The following ROR1 variants were observed in gnomAD, a reference collection of about 807,000 sequenced individuals.
ROR1 encodes the protein ROR family WNT receptor 1, also known as inactive tyrosine-protein kinase transmembrane receptor ROR1.
A neutral mutation model predicts 78.8 loss-of-function variants in ROR1; 19 were observed. The ratio of observed to expected loss-of-function variants is 0.24; its 90% CI spans 0.17 to 0.35. The LOEUF is 0.35. ROR1 is among the 10% of genes least tolerant of loss of function. The pLI is 1.00. For missense variants in ROR1, 917 were observed against 1,177.8 expected, an observed-to-expected ratio of 0.78 and a Z score of 3.24; for synonymous variants, 386 against 433.6, an observed-to-expected ratio of 0.89 and a Z score of 1.36.
chr1:64,177,673 G>C lies in ROR1; in HGVS notation c.1632G>C (p.Gln544His). 1 of 1,614,190 alleles carries C rather than the reference G, an allele frequency of 6.2e-7. No individual in the cohort carries two copies. Among genetic ancestry groups the C allele is most frequent in the Non-Finnish European group, 8.5e-7 (1 of 1,180,030 alleles). ...NIVCLLGAVT[Q>H]EQPVCMLFEY... ...TCTGCCTTCTAGGTGCCGTCACTCA[G>C]GAACAACCTGTGTGCATGCTTTTTG... is the stretch of plus-strand genomic sequence containing the variant. Residue 544 changes from glutamine (Q) to histidine (H), a missense_variant, in exon 9 of 9, where the codon CAG becomes CAC. Gln to His is a conservative substitution (Grantham distance 24, BLOSUM62 0). This residue lies in a region of ROR1 where 835 missense variants were observed against 1,069.8 expected (regional missense o/e 0.78). Coordinates refer to ENST00000371079, the MANE Select transcript of ROR1 (RefSeq NM_005012.4).
intron 8 of ROR1, among the ~76,000 whole-genome samples, chr1:64,175,006 T>G (rs1650339386): frequency 7.0e-6 from 1 of 143,516 alleles, no homozygotes; most frequent in Non-Finnish European, 1.5e-5. Context: ...CGCCTATTGT[T>G]TTTTTTTTTT....
At chr1:64,011,695 A>T (rs1646475783) in intron 2 of ROR1, among the ~76,000 whole-genome samples, 1 of 152,198 alleles carries the variant, frequency 6.6e-6, no homozygotes, top group South Asian at 2.1e-4. Context: ...TCCAGAGAGT[A>T]TGGATGGCTT....
intron 1 of ROR1, among the ~76,000 whole-genome samples, chr1:63,985,919 A>G (rs1646247039): frequency 6.6e-6 from 1 of 152,140 alleles, no homozygotes; most frequent in Non-Finnish European, 1.5e-5. Context: ...ATTTTTGGAT[A>G]AGGGATACTC....
chr1:64,041,550 C>T (rs1236171242), intron 2 of ROR1, among the ~76,000 whole-genome samples: 1 of 152,154 alleles, frequency 6.6e-6, no homozygotes, highest in African/African-American at 2.4e-5. Context: ...ATAAAGGTGG[C>T]TGTCTTTCCC....
At chr1:64,087,895 C>A (rs1262825479) in intron 4 of ROR1, among the ~76,000 whole-genome samples, 2 of 152,132 alleles carry the variant, frequency 1.3e-5, no homozygotes, top group African/African-American at 4.8e-5. Flanking sequence ...CTGGGTTTCT[C>A]TATGTAGATA....
chr1:63,846,117 AATGTGTGTGTGT>A (rs1336540719), intron 1 of ROR1, among the ~76,000 whole-genome samples: 4 of 91,526 alleles, frequency 4.4e-5, no homozygotes, highest in African/African-American at 1.5e-4. Flanking sequence ...AGAGAGAGAG[AATGTGTGTGTGT>A]GTGTGTGTGT....
At chr1:64,032,615 G>A (rs1454282152) in intron 2 of ROR1, among the ~76,000 whole-genome samples, 2 of 152,268 alleles carry the variant, frequency 1.3e-5, no homozygotes, top group East Asian at 1.9e-4. Flanking sequence ...TCACTGCACA[G>A]CCTTATAACA....
chr1:63,869,423 G>A (rs535321275), intron 1 of ROR1, among the ~76,000 whole-genome samples: 3 of 152,132 alleles, frequency 2.0e-5, no homozygotes, highest in Non-Finnish European at 2.9e-5. Flanking sequence ...TGGCTTCTAT[G>A]CCAACCTGCC....
At chr1:63,950,796 T>G (rs1645928986) in intron 1 of ROR1, among the ~76,000 whole-genome samples, 1 of 152,180 alleles carries the variant, frequency 6.6e-6, no homozygotes, top group Admixed American at 6.5e-5. Context: ...TCAAACACTT[T>G]TAAGGGGAAT....
At chr1:63,933,857 A>G (rs749153677) in intron 1 of ROR1, among the ~76,000 whole-genome samples, 15 of 152,180 alleles carry the variant, frequency 9.9e-5, no homozygotes, top group Non-Finnish European at 2.2e-4. Flanking sequence ...TGGACTGAAC[A>G]TACAAGACCC....
intron 1 of ROR1, among the ~76,000 whole-genome samples, chr1:63,791,457 G>A (rs150431302): frequency 7.5e-4 from 114 of 152,248 alleles, no homozygotes; most frequent in African/African-American, 2.7e-3. Flanking sequence ...GGACAAATGA[G>A]TTCACAAAAT....
intron 1 of ROR1, among the ~76,000 whole-genome samples, chr1:63,797,476 G>A (rs919221404): frequency 1.6e-4 from 25 of 152,182 alleles, no homozygotes; most frequent in Admixed American, 1.0e-3. Flanking sequence ...ATCAGAGTCC[G>A]GAGGACTTTC....
intron 1 of ROR1, among the ~76,000 whole-genome samples, chr1:63,809,504 A>G (rs1644848057): frequency 6.6e-6 from 1 of 152,220 alleles, no homozygotes; most frequent in Admixed American, 6.5e-5. Flanking sequence ...TATCATATAT[A>G]CATTGTACTT....
intron 1 of ROR1, among the ~76,000 whole-genome samples, chr1:63,982,911 A>G (rs913745525): frequency 2.0e-5 from 3 of 152,110 alleles, no homozygotes; most frequent in Non-Finnish European, 4.4e-5. Context: ...TCTTGTTGGT[A>G]AAATGGGAGT....
At chr1:64,076,181 G>A (rs889247249) in intron 4 of ROR1, among the ~76,000 whole-genome samples, 1 of 152,156 alleles carries the variant, frequency 6.6e-6, no homozygotes, top group Non-Finnish European at 1.5e-5. Context: ...CTGTCTTTCT[G>A]TTGCAAATCA....
chr1:64,122,529 C>T (rs547942825), intron 4 of ROR1, among the ~76,000 whole-genome samples: 1 of 152,300 alleles, frequency 6.6e-6, no homozygotes, highest in East Asian at 1.9e-4. Flanking sequence ...CTCTGTAAGA[C>T]AGGGCGTTCT....
In ROR1 at chr1:64,178,749, G is replaced by T. The variant is rs748040274; in HGVS notation, c.2708G>T (p.Gly903Val). ...GGTGGAATGGGTATCACCGTTTTTG[G>T]CAACAAATCTCAAAAACCCTACAAA... ...HPGGMGITVF[G>V]NKSQKPYKID... The change falls in exon 9 of 9, where the codon GGC becomes GTC. Residue 903 changes from glycine to valine, a missense_variant. Physicochemically the swap from Gly to Val is moderately radical, Grantham distance 109. Around this residue, in one of 3 missense-constraint regions of ROR1, gnomAD observed 835 missense variants for 1,069.8 expected, o/e 0.78. Transcript: ENST00000371079. This position sits in a 1 kb window ranked among gnomAD's most constrained non-coding sequence, Gnocchi z 4.3. 1.2e-6 allele frequency: 2 copies of T among 1,613,886 alleles called. No individual in the cohort carries two copies. The highest frequency in any genetic ancestry group is 3.3e-5 in the Admixed American group (2 of 59,982).
chr1:64,164,345 T>A (rs567393475), intron 8 of ROR1, among the ~76,000 whole-genome samples: 2 of 152,324 alleles, frequency 1.3e-5, no homozygotes, highest in East Asian at 3.9e-4. Flanking sequence ...AGTAGTCTGA[T>A]ACACTTCAAA....
At chr1:64,149,113 A>C (rs1304799095) in intron 7 of ROR1, among the ~76,000 whole-genome samples, 1 of 152,180 alleles carries the variant, frequency 6.6e-6, no homozygotes, top group Non-Finnish European at 1.5e-5. Context: ...CTGCTTGTTG[A>C]ATACTGTGCT....
Sources: gnomAD v4.1 joint callset for allele counts (sites outside exome capture counted in the v4.1 genomes callset) on GRCh38, gnomAD v4.1.1 for gene constraint, gnomAD v4.1.1 regional missense constraint, Gnocchi (gnomAD v3.1) non-coding constraint, MANE v1.5 for transcripts, NCBI Gene and HGNC (gene_info 2026-07-23, HGNC 2026-07-21) for gene names.